ASB18: variants seen among roughly 807,000 people sequenced by gnomAD.
ASB18 encodes ankyrin repeat and SOCS box protein 18.
Under a neutral mutation model 33.4 loss-of-function variants are expected in ASB18, and 33 were observed. The ratio of observed to expected loss-of-function variants is 0.99; its 90% CI spans 0.75 to 1.32. ASB18 has a LOEUF of 1.32. ASB18 is among the 40% of genes most tolerant of loss of function. ASB18 has a pLI of 0.00. For synonymous variants in ASB18, 295 were observed against 307.6 expected (o/e 0.96, Z 0.43); for missense variants, 694 against 655.5 (o/e 1.06, Z -0.64).
rs1365464390 is a variant in ASB18, at chr2:236,195,328, G to A, written c.1216-271C>T. On this transcript the variant is annotated intron_variant, in intron 5 of 5. Coordinates refer to ENST00000409749, the MANE Select transcript of ASB18 (RefSeq NM_212556.4). The surrounding 1 kb of genome is among the most constrained non-coding windows in gnomAD (Gnocchi z 5.5). ...AGGTGGTCTCCCCGAATTCCGTTTT[G>A]CTCCATCCTCTTTGCACAGCAGCCC... 1.3e-5 allele frequency among the ~76,000 whole-genome samples: 2 copies of A among 152,116 alleles called. No individual in the cohort carries two copies. The highest frequency in any genetic ancestry group is 2.9e-5 in the Non-Finnish European group (2 of 68,026).
At position 236,259,700 on chromosome 2, in the gene ASB18, G is replaced by A. The variant is rs549390933; in HGVS notation, c.205+4441C>T. The A allele has an allele frequency of 4.5e-5, 19 of 423,076 alleles. No individual in the cohort carries two copies. The highest frequency in any genetic ancestry group is 3.8e-4 in the African/African-American group (19 of 49,588). 26.2% of individuals were successfully genotyped at this position (423,076 alleles called of 1,614,324 possible). A position where few individuals can be genotyped will look rare whatever the true frequency, so the allele number is the denominator to read the frequency against. Reference sequence around the variant, plus strand: ...TCAGCCTCAGTGAGCCCAGCAGGATGTTGGGCATCTCAGGTCCATCCTTGC... The same window carrying A: ...TCAGCCTCAGTGAGCCCAGCAGGATATTGGGCATCTCAGGTCCATCCTTGC... On this transcript the variant is annotated intron_variant, in intron 1 of 5. Transcript: ENST00000409749. The surrounding 1 kb of genome is among the most constrained non-coding windows in gnomAD (Gnocchi z 4.4).
chr2:236,214,932 C>T lies in ASB18; in HGVS notation c.597-66G>A. 1 of 1,173,480 alleles carries T rather than the reference C, an allele frequency of 8.5e-7. No individual in the cohort carries two copies. Among genetic ancestry groups the T allele is most frequent in the Non-Finnish European group, 1.1e-6 (1 of 945,814 alleles). 72.7% of individuals were successfully genotyped at this position (1,173,480 alleles called of 1,614,324 possible). A position where few individuals can be genotyped will look rare whatever the true frequency, so the allele number is the denominator to read the frequency against. On this transcript the variant is annotated intron_variant, in intron 3 of 5. Transcript: ENST00000409749. The surrounding 1 kb of genome is among the most constrained non-coding windows in gnomAD (Gnocchi z 6.5). Reference sequence around the variant, plus strand: ...ACGCCCGCACCCTTCCACCCCCGGCCTGCTGCTGCAAAATATCAAGTGACC... The same window carrying T: ...ACGCCCGCACCCTTCCACCCCCGGCTTGCTGCTGCAAAATATCAAGTGACC...
In ASB18 at chr2:236,205,970, T is replaced by C. The variant is rs573262550; in HGVS notation, c.1101+8392A>G. 1.1e-4 allele frequency among the ~76,000 whole-genome samples: 17 copies of C among 152,350 alleles called. No homozygotes were observed. The highest frequency in any genetic ancestry group is 4.1e-4 in the African/African-American group (17 of 41,596). ...TCTTTTTAGAACATTTTTGTTAGAA[T>C]GTATATAGGTATGTGCCTCCTGTCA... On this transcript the variant is annotated intron_variant, in intron 4 of 5. Transcript: ENST00000409749. The surrounding 1 kb of genome is among the most constrained non-coding windows in gnomAD (Gnocchi z 5.4).
rs545163406 is a variant in ASB18, at chr2:236,240,948, T to G, written c.328+332A>C. 1.8e-4 allele frequency among the ~76,000 whole-genome samples: 28 copies of G among 152,232 alleles called. 1 individual carries two copies. The South Asian group carries it at 4.2e-3, about 23-fold the overall frequency. ...CCGGGCGCAACTGAAGGAGAGACTT[T>G]CCTTCTTCAGCACCCACCTCCCTGG... On this transcript the variant is annotated intron_variant, in intron 2 of 5. Transcript: ENST00000409749.
rs184749667 is a variant in ASB18 at position 236,229,167 on chromosome 2, C to T, written c.596+8522G>A. Reference sequence around the variant, plus strand: ...AACACTTGTTATAACTATATTCCACCTGTTTGAGAAGCTAGAGGAAAGACT... The same window carrying T: ...AACACTTGTTATAACTATATTCCACTTGTTTGAGAAGCTAGAGGAAAGACT... On this transcript the variant is annotated intron_variant, in intron 3 of 5. Coordinates refer to ENST00000409749, the MANE Select transcript of ASB18 (RefSeq NM_212556.4). The surrounding 1 kb of genome is among the most constrained non-coding windows in gnomAD (Gnocchi z 5.2). Among the ~76,000 whole-genome samples, 1 of 152,254 alleles carries T rather than the reference C, an allele frequency of 6.6e-6. No homozygotes were observed. The highest frequency in any genetic ancestry group is 1.5e-5 in the Non-Finnish European group (1 of 68,022).
Position 236,214,645 on chromosome 2 carries a change from A to G in ASB18, c.818T>C (p.Leu273Pro). 8.6e-7 allele frequency: 1 copy of G among 1,164,342 alleles called. No individual in the cohort carries two copies. The highest frequency in any genetic ancestry group is 4.2e-5 in the East Asian group (1 of 23,758). The allele number at this position is 1,164,342 out of a possible 1,614,324, so 72.1% of individuals were successfully genotyped here. ...ARRPDEHGRC[L>P]RLCALLLRRG... ...CCGCAGCAGCAGCGCGCACAGGCGC[A>G]GGCAGCGCCCGTGCTCGTCGGGCCT... The change falls in exon 4 of 6, where the codon CTG (leucine) becomes CCG (proline). Residue 273 changes from leucine to proline, a missense_variant. Coordinates refer to ENST00000409749, the MANE Select transcript of ASB18 (RefSeq NM_212556.4). The surrounding 1 kb of genome is among the most constrained non-coding windows in gnomAD (Gnocchi z 6.5).
In ASB18 at chr2:236,264,123, C is replaced by T. The variant is rs2060734483; in HGVS notation, c.205+18G>A. The T allele has an allele frequency of 6.2e-7, 1 of 1,611,632 alleles. No homozygotes were observed. The highest frequency in any genetic ancestry group is 1.1e-5 in the South Asian group (1 of 90,834). ...CTTAGTAATTAAATCCCAGATGCAG[C>T]AGGCTCGTTCTGGTTACCTAGCAGC... On this transcript the variant is annotated intron_variant, in intron 1 of 5. Coordinates refer to ENST00000409749, the MANE Select transcript of ASB18 (RefSeq NM_212556.4). This position sits in a 1 kb window ranked among gnomAD's most constrained non-coding sequence, Gnocchi z 5.1.
In ASB18 at chr2:236,250,855, A is replaced by G. The variant is rs1240767163; in HGVS notation, c.206-9453T>C. 2 of 152,236 alleles carry G rather than the reference A, an allele frequency of 1.3e-5. No individual in the cohort carries two copies. The highest frequency in any genetic ancestry group is 4.8e-5 in the African/African-American group (2 of 41,474). The allele number at this position is 152,236 out of a possible 1,614,324, so 9.4% of individuals were successfully genotyped here. A position where few individuals can be genotyped will look rare whatever the true frequency, so the allele number is the denominator to read the frequency against. ...AGTTAGTCACATAGACATTAATATC[A>G]AAAATGTTAAAGTATCTCAACCTCC... On this transcript the variant is annotated intron_variant, in intron 1 of 5. Coordinates refer to ENST00000409749, the MANE Select transcript of ASB18 (RefSeq NM_212556.4). The surrounding 1 kb of genome is among the most constrained non-coding windows in gnomAD (Gnocchi z 4.1).
In ASB18 at chr2:236,235,441, G is replaced by C. The variant is rs2060583483; in HGVS notation, c.596+2248C>G. On this transcript the variant is annotated intron_variant, in intron 3 of 5. Transcript: ENST00000409749. This position sits in a 1 kb window ranked among gnomAD's most constrained non-coding sequence, Gnocchi z 6.2. ...CACAATGATGAAACAACACATTTCTGAGAATGTATCCCCATCGTTAAGCGA... is the reference window on the plus strand; with the variant it reads ...CACAATGATGAAACAACACATTTCTCAGAATGTATCCCCATCGTTAAGCGA... Among the ~76,000 whole-genome samples the C allele has an allele frequency of 1.3e-5, 2 of 152,198 alleles. No individual in the cohort carries two copies. Among genetic ancestry groups the C allele is most frequent in the African/African-American group, 4.8e-5 (2 of 41,454 alleles).
At position 236,238,312 on chromosome 2, in the gene ASB18, A is replaced by C. The variant is rs2060605865; in HGVS notation, c.329-356T>G. Among the ~76,000 whole-genome samples the C allele has an allele frequency of 6.6e-6, 1 of 152,104 alleles. No homozygotes were observed. The highest frequency in any genetic ancestry group is 2.1e-4 in the South Asian group (1 of 4,812). ...TCCAAGCAGGGTGCACGGTAGGCGA[A>C]TTTAAGTGAGGAATTCACGTGTTCC... On this transcript the variant is annotated intron_variant, in intron 2 of 5. Transcript: ENST00000409749. This position sits in a 1 kb window ranked among gnomAD's most constrained non-coding sequence, Gnocchi z 5.2.
Position 236,216,277 on chromosome 2 carries a change from T to A in ASB18, c.597-1411A>T, listed in dbSNP as rs1246477855. Reference sequence around the variant, plus strand: ...CACTAACCACTCCTAATGTTGACCTTGGTCCTCAAGCTTCCGCCCTCTTCC... The same window carrying A: ...CACTAACCACTCCTAATGTTGACCTAGGTCCTCAAGCTTCCGCCCTCTTCC... On this transcript the variant is annotated intron_variant, in intron 3 of 5. Coordinates refer to ENST00000409749, the MANE Select transcript of ASB18 (RefSeq NM_212556.4). The surrounding 1 kb of genome is among the most constrained non-coding windows in gnomAD (Gnocchi z 6.1). 6.6e-6 allele frequency among the ~76,000 whole-genome samples: 1 copy of A among 152,234 alleles called. No individual in the cohort carries two copies. Among genetic ancestry groups the A allele is most frequent in the East Asian group, 1.9e-4 (1 of 5,204 alleles).
intron 3 of ASB18, among the ~76,000 whole-genome samples, chr2:236,227,735 T>C (rs1305969648): frequency 1.3e-5 from 2 of 152,220 alleles, no homozygotes; most frequent in African/African-American, 4.8e-5. Context: ...ATTGATTTGG[T>C]TGGCTTATGT....
rs1559335836 is a variant in ASB18 at position 236,239,906 on chromosome 2, T to C, written c.328+1374A>G. Reference sequence around the variant, plus strand: ...CAGGCAGCCTGAGCTTGCCTCCCTCTCTTCCCAGCCTGTGTGGAGGCCTTG... The same window carrying C: ...CAGGCAGCCTGAGCTTGCCTCCCTCCCTTCCCAGCCTGTGTGGAGGCCTTG... On this transcript the variant is annotated intron_variant, in intron 2 of 5. Coordinates refer to ENST00000409749, the MANE Select transcript of ASB18 (RefSeq NM_212556.4). This position sits in a 1 kb window ranked among gnomAD's most constrained non-coding sequence, Gnocchi z 5.6. Among the ~76,000 whole-genome samples the C allele has an allele frequency of 6.6e-6, 1 of 152,184 alleles. No individual in the cohort carries two copies. The highest frequency in any genetic ancestry group is 1.5e-5 in the Non-Finnish European group (1 of 68,026).
At chr2:236,201,250 G>A (rs2060400246) in intron 4 of ASB18, among the ~76,000 whole-genome samples, 1 of 152,036 alleles carries the variant, frequency 6.6e-6, no homozygotes, top group South Asian at 2.1e-4. Context: ...CTCCTGGACT[G>A]AAGCGAACCT....
chr2:236,207,237 C>T (rs546372644), intron 4 of ASB18, among the ~76,000 whole-genome samples: 1 of 152,152 alleles, frequency 6.6e-6, no homozygotes, highest in African/African-American at 2.4e-5. Flanking sequence ...GGATTTGATT[C>T]TTTCTTTATG....
In ASB18 at chr2:236,195,144, CG is replaced by C; in HGVS notation, c.1216-88del. On this transcript the variant is annotated intron_variant, in intron 5 of 5. Coordinates refer to ENST00000409749, the MANE Select transcript of ASB18 (RefSeq NM_212556.4). The surrounding 1 kb of genome is among the most constrained non-coding windows in gnomAD (Gnocchi z 5.5). ...TTAGCCAGACCACTGATGGTACAAG[CG>C]GGCTTTTCTATGGCTAACTGATCCC... is the stretch of plus-strand genomic sequence containing the variant. The C allele has an allele frequency of 1.5e-6, 2 of 1,302,584 alleles. No homozygotes were observed. Among genetic ancestry groups the C allele is most frequent in the Non-Finnish European group, 2.1e-6 (2 of 947,448 alleles). 80.7% of individuals were successfully genotyped at this position (1,302,584 alleles called of 1,614,324 possible).
chr2:236,213,993 A>G lies in ASB18; in HGVS notation c.1101+369T>C, dbSNP rs2060470574. ...AAATGACACTGATGATGAGCTGCCAAAATATTTTGAGCTCTGACTGCATCA... is the reference window on the plus strand; with the variant it reads ...AAATGACACTGATGATGAGCTGCCAGAATATTTTGAGCTCTGACTGCATCA... On this transcript the variant is annotated intron_variant, in intron 4 of 5. Coordinates refer to ENST00000409749, the MANE Select transcript of ASB18 (RefSeq NM_212556.4). The surrounding 1 kb of genome is among the most constrained non-coding windows in gnomAD (Gnocchi z 4.8). The G allele has an allele frequency of 4.7e-6, 1 of 214,118 alleles. No homozygotes were observed. The highest frequency in any genetic ancestry group is 5.6e-5 in the Admixed American group (1 of 17,756). The allele number at this position is 214,118 out of a possible 1,614,324, so 13.3% of individuals were successfully genotyped here.
chr2:236,214,776 G>A lies in ASB18; in HGVS notation c.687C>T (p.Arg229=). ...RDTPLHVAAQ[R]GLDEHARLYL... ...ACAGGCGCGCGTGCTCGTCCAGGCC[G>A]CGCTGCGCCGCCACGTGCAGCGGCG... Residue 229 remains arginine, a synonymous_variant, in exon 4 of 6, where the codon CGC becomes CGT. Coordinates refer to ENST00000409749, the MANE Select transcript of ASB18 (RefSeq NM_212556.4). This position sits in a 1 kb window ranked among gnomAD's most constrained non-coding sequence, Gnocchi z 6.5. 8.4e-7 allele frequency: 1 copy of A among 1,194,516 alleles called. No individual in the cohort carries two copies. The highest frequency in any genetic ancestry group is 1.0e-6 in the Non-Finnish European group (1 of 963,818). The allele number at this position is 1,194,516 out of a possible 1,614,324, so 74.0% of individuals were successfully genotyped here.
rs2060501097 is a variant in ASB18 at position 236,219,383 on chromosome 2, C to G, written c.597-4517G>C. On this transcript the variant is annotated intron_variant, in intron 3 of 5. Transcript: ENST00000409749. This position sits in a 1 kb window ranked among gnomAD's most constrained non-coding sequence, Gnocchi z 6.4. Reference sequence around the variant, plus strand: ...ACAGCTCCTGGATCCTAAGAATATCCCTTTGGCTTTCCAGGTTCCCAGAAT... The same window carrying G: ...ACAGCTCCTGGATCCTAAGAATATCGCTTTGGCTTTCCAGGTTCCCAGAAT... 2.6e-5 allele frequency among the ~76,000 whole-genome samples: 4 copies of G among 152,186 alleles called. No individual in the cohort carries two copies. Among genetic ancestry groups the G allele is most frequent in the Admixed American group, 6.5e-5 (1 of 15,284 alleles).
Sources: allele counts gnomAD v4.1 joint callset (sites outside exome capture counted in the v4.1 genomes callset), GRCh38; gene constraint gnomAD v4.1.1; non-coding constraint Gnocchi (gnomAD v3.1); transcripts MANE v1.5; gene names NCBI Gene and HGNC (gene_info 2026-07-23, HGNC 2026-07-21).